Variants in PCNT observed in about 807,000 individuals in gnomAD.
PCNT encodes kendrin.
PCNT carries 319 observed loss-of-function variants against 380.4 expected under a neutral mutation model. The observed-to-expected ratio is 0.84, with a 90% CI of 0.77 to 0.92. The LOEUF is 0.92. Ranked by LOEUF, PCNT falls within the 40% of genes least tolerant of loss-of-function variation. PCNT has a pLI of 0.00. For synonymous variants in PCNT, 1,845 were observed against 1,735.2 expected (o/e 1.06, Z -1.57); for missense variants, 4,400 against 4,255.3 (o/e 1.03, Z -0.95).
chr21:46,413,005 G>GGGA lies in PCNT; in HGVS notation c.6150+14_6150+16dup. The GGGA allele has an allele frequency of 1.9e-6, 3 of 1,604,922 alleles. No individual in the cohort carries two copies. Reference sequence around the variant, plus strand: ...GGACGGCGGCAAGGTGTGGGGAGGGGGGAAGGCGCGAGGTCCCCCCGGGAG... The same window carrying GGGA: ...GGACGGCGGCAAGGTGTGGGGAGGGGGGAGGAAGGCGCGAGGTCCCCCCGGGAG... On this transcript the variant is annotated intron_variant, in intron 29 of 46. Transcript: ENST00000359568.
At chr21:46,327,584 G>A (rs1039288092) in intron 2 of PCNT, among the ~76,000 whole-genome samples, 1 of 152,092 alleles carries the variant, frequency 6.6e-6, no homozygotes, top group African/African-American at 2.4e-5. Context: ...TCTTTATTAT[G>A]TAATTTTGAG....
At position 46,416,237 on chromosome 21, in the gene PCNT, G is replaced by A; in HGVS notation, c.6319G>A (p.Glu2107Lys). 4 of 1,614,188 alleles carry A rather than the reference G, an allele frequency of 2.5e-6. No homozygotes were observed. Among genetic ancestry groups the A allele is most frequent in the Non-Finnish European group, 3.4e-6 (4 of 1,180,026 alleles). The change falls in exon 30 of 47, where the codon GAG becomes AAG. Residue 2107 changes from glutamate (E) to lysine (K), a missense_variant. Coordinates refer to ENST00000359568, the MANE Select transcript of PCNT (RefSeq NM_006031.6). Reference protein sequence around the residue: ...LWPMASAHLLESSWSDDSCDG... With the variant: ...LWPMASAHLLKSSWSDDSCDG... ...GCCCATGGCCTCAGCACACCTGTTG[G>A]AGAGCAGCTGGAGTGATGATTCCTG...
chr21:46,427,462 C>T (rs774301393), intron 33 of PCNT, among the ~76,000 whole-genome samples, 160 bp from the exon 34 acceptor site: 1 of 152,164 alleles, frequency 6.6e-6, no homozygotes, highest in Admixed American at 6.5e-5. Context: ...ATGGAGACAG[C>T]GAGTGAGCTC....
chr21:46,354,016 C>G lies in PCNT; in HGVS notation c.1709C>G (p.Pro570Arg), dbSNP rs762997521. The change falls in exon 11 of 47, where the codon CCT (proline) becomes CGT (arginine). Residue 570 changes from proline (P) to arginine (R), a missense_variant. Transcript: ENST00000359568. ...GLSCVGLEEK[P>R]EKGRKDHVDE... ...TCCTGTGTGGGTTTAGAAGAGAAAC[C>G]TGAGAAAGGAAGAAAAGATCACGTT... The G allele has an allele frequency of 1.9e-6, 3 of 1,614,036 alleles. No individual in the cohort carries two copies. Among genetic ancestry groups the G allele is most frequent in the South Asian group, 2.2e-5 (2 of 91,080 alleles).
intron 15 of PCNT, among the ~76,000 whole-genome samples, chr21:46,367,679 G>A (rs186979550): frequency 1.3e-5 from 2 of 152,228 alleles, no homozygotes; most frequent in East Asian, 1.9e-4. Context: ...CTTTGCTCTC[G>A]TACGTATGTG....
At chr21:46,418,690 C>T (rs369736286) in intron 31 of PCNT, among the ~76,000 whole-genome samples, 72 of 152,264 alleles carry the variant, frequency 4.7e-4, no homozygotes, top group African/African-American at 1.7e-3. Context: ...GGGCGGTGCA[C>T]GCCATGTTTC....
At chr21:46,441,654 C>T (rs1193662480) in intron 43 of PCNT, among the ~76,000 whole-genome samples, 1 of 152,102 alleles carries the variant, frequency 6.6e-6, no homozygotes, top group South Asian at 2.1e-4. Flanking sequence ...CTCCCCTGAC[C>T]GTAGGCCTCC....
chr21:46,426,452 G>T (rs1047017117), intron 33 of PCNT, among the ~76,000 whole-genome samples: 4 of 152,106 alleles, frequency 2.6e-5, no homozygotes, highest in Non-Finnish European at 2.9e-5. Flanking sequence ...GGAGGTGTGT[G>T]GGGGGCAGAA....
At chr21:46,394,052 C>A (rs969917736) in intron 21 of PCNT, among the ~76,000 whole-genome samples, 1 of 152,182 alleles carries the variant, frequency 6.6e-6, no homozygotes, top group East Asian at 1.9e-4. Flanking sequence ...GCTTTCCTTT[C>A]GACATGGTTA....
intron 3 of PCNT, among the ~76,000 whole-genome samples, chr21:46,341,860 G>A (rs1337406699): frequency 6.6e-6 from 1 of 151,566 alleles, no homozygotes; most frequent in Non-Finnish European, 1.5e-5. Flanking sequence ...TAAATATTTT[G>A]TAGAGATGGA....
chr21:46,425,679 T>C lies in PCNT; in HGVS notation c.7180-152T>C. On this transcript the variant is annotated intron_variant, in intron 32 of 46. Coordinates refer to ENST00000359568, the MANE Select transcript of PCNT (RefSeq NM_006031.6). This position sits in a 1 kb window ranked among gnomAD's most constrained non-coding sequence, Gnocchi z 4.2. ...AAAACCTTGTAGCTTGAGAAGTGGG[T>C]GCCGCCTGTACGAAGCCGAGGCGGT... 9.9e-7 allele frequency: 1 copy of C among 1,013,148 alleles called. No individual in the cohort carries two copies. Among genetic ancestry groups the C allele is most frequent in the Non-Finnish European group, 1.5e-6 (1 of 656,674 alleles). The allele number at this position is 1,013,148 out of a possible 1,614,324, so 62.8% of individuals were successfully genotyped here. A position where few individuals can be genotyped will look rare whatever the true frequency, so the allele number is the denominator to read the frequency against.
At chr21:46,348,937 T>G in intron 6 of PCNT, 75 bp from the exon 7 acceptor site, 1 of 1,047,898 alleles carries the variant, frequency 9.5e-7, no homozygotes, top group Admixed American at 1.7e-5. Flanking sequence ...GCTCAGAGGT[T>G]TTGACTGTGT....
At chr21:46,378,352 G>T (rs1295824468) in intron 15 of PCNT, among the ~76,000 whole-genome samples, 1 of 152,122 alleles carries the variant, frequency 6.6e-6, no homozygotes, top group East Asian at 1.9e-4. Flanking sequence ...TCACTCTATG[G>T]TGTCTCTGGC....
intron 21 of PCNT, 64 bp from the exon 22 acceptor site, chr21:46,397,201 C>T (rs1013861677): frequency 5.7e-6 from 7 of 1,231,740 alleles, no homozygotes; most frequent in South Asian, 1.2e-5. Flanking sequence ...AGGAGATGCA[C>T]GTGTCATGCA....
At chr21:46,370,409 G>A (rs1196514058) in intron 15 of PCNT, among the ~76,000 whole-genome samples, 1 of 151,868 alleles carries the variant, frequency 6.6e-6, no homozygotes, top group East Asian at 1.9e-4. Flanking sequence ...GGTCGGGGAG[G>A]CTGGGGCTCA....
intron 35 of PCNT, 89 bp from the exon 36 acceptor site, chr21:46,429,921 C>CG: frequency 2.0e-6 from 2 of 1,000,410 alleles, no homozygotes; most frequent in Non-Finnish European, 3.1e-6. Context: ...ATACACCTCA[C>CG]GCCCCCACGA....
At chr21:46,383,949 G>A (rs1373619724) in intron 16 of PCNT, among the ~76,000 whole-genome samples, 1 of 146,084 alleles carries the variant, frequency 6.8e-6, no homozygotes. Context: ...CGCATTCACA[G>A]TGTTGTATAT....
intron 3 of PCNT, among the ~76,000 whole-genome samples, chr21:46,345,019 A>G (rs984880058): frequency 1.3e-5 from 2 of 152,228 alleles, no homozygotes; most frequent in Non-Finnish European, 2.9e-5. Context: ...TTTAGTGGCC[A>G]TACAAGGATC....
intron 17 of PCNT, among the ~76,000 whole-genome samples, chr21:46,386,914 G>A (rs942459023): frequency 3.9e-5 from 6 of 152,076 alleles, no homozygotes; most frequent in African/African-American, 1.2e-4. Flanking sequence ...GCGTGTCCCC[G>A]CCCGAGGCCT....
Sources: allele counts gnomAD v4.1 joint callset (sites outside exome capture counted in the v4.1 genomes callset), GRCh38; gene constraint gnomAD v4.1.1; non-coding constraint Gnocchi (gnomAD v3.1); transcripts MANE v1.5; gene names NCBI Gene and HGNC (gene_info 2026-07-23, HGNC 2026-07-21).